The following SND1 variants were observed in gnomAD, a reference collection of about 807,000 sequenced individuals.
SND1 encodes the protein staphylococcal nuclease domain-containing protein 1.
In SND1, 38 loss-of-function variants were observed where a neutral mutation model predicts 121.7. The observed-to-expected ratio is 0.31, with a 90% CI of 0.24 to 0.41. The LOEUF (loss-of-function observed/expected upper bound fraction) is 0.41, where lower values mean the gene tolerates loss of function less well. SND1 is among the 10% of genes least tolerant of loss of function. The pLI, the probability that SND1 is intolerant of heterozygous loss-of-function variation, is 1.00. For synonymous variants in SND1, 401 were observed against 447.4 expected (o/e 0.90, Z 1.31); for missense variants, 868 against 1,184.6 (o/e 0.73, Z 3.92).
At chr7:127,932,357 G>A (rs1336854937) in intron 15 of SND1, among the ~76,000 whole-genome samples, 1 of 152,158 alleles carries the variant, frequency 6.6e-6, no homozygotes, top group Non-Finnish European at 1.5e-5. Context: ...TAGAGCCTGG[G>A]GATAAAACTG....
intron 15 of SND1, among the ~76,000 whole-genome samples, chr7:127,988,612 A>G (rs1802450571): frequency 6.6e-6 from 1 of 152,244 alleles, no homozygotes; most frequent in Admixed American, 6.5e-5. Flanking sequence ...CAGGGGAGCA[A>G]CTGCAATCTC....
chr7:127,882,378 G>C (rs1294716961), intron 12 of SND1, among the ~76,000 whole-genome samples: 1 of 144,050 alleles, frequency 6.9e-6, no homozygotes, highest in African/African-American at 2.6e-5. Flanking sequence ...CAGGAAGGGA[G>C]GGAGGAAGGG....
In SND1 at chr7:127,670,060, G is replaced by A. The variant is rs941520616; in HGVS notation, c.79-16553G>A. 2.7e-5 allele frequency among the ~76,000 whole-genome samples: 4 copies of A among 150,766 alleles called. No homozygotes were observed. In the South Asian group the frequency reaches 8.4e-4, roughly 32 times the overall value. Reference sequence around the variant, plus strand: ...GGCTGGAGTGCAGTGGCGTGATCTCGGCTTACTGCAACCTCTGCGTCCTGG... The same window carrying A: ...GGCTGGAGTGCAGTGGCGTGATCTCAGCTTACTGCAACCTCTGCGTCCTGG... On this transcript the variant is annotated intron_variant, in intron 1 of 23. Transcript: ENST00000354725.
At chr7:127,961,830 G>A (rs1189651886) in intron 15 of SND1, among the ~76,000 whole-genome samples, 1 of 152,146 alleles carries the variant, frequency 6.6e-6, no homozygotes, top group African/African-American at 2.4e-5. Flanking sequence ...GAAGAAAAAG[G>A]GTATATTTTA....
chr7:127,724,535 T>C (rs1452799159), intron 10 of SND1, among the ~76,000 whole-genome samples: 1 of 152,162 alleles, frequency 6.6e-6, no homozygotes, highest in East Asian at 1.9e-4. Context: ...TATGATGAAC[T>C]GCAAGTGATT....
At chr7:127,794,526 A>T (rs1019578) in intron 10 of SND1, among the ~76,000 whole-genome samples, 143,928 of 152,312 alleles carry the variant, frequency 0.94, 68,449 homozygotes, top group Non-Finnish European at 1. Flanking sequence ...AGGAAGACAT[A>T]CACAAAGAAG....
intron 22 of SND1, 102 bp downstream of exon 22, chr7:128,089,794 C>G: frequency 9.6e-7 from 1 of 1,038,002 alleles, no homozygotes; most frequent in South Asian, 1.5e-5. Flanking sequence ...CACCATCCTG[C>G]TGTTCCTGCT....
intron 11 of SND1, among the ~76,000 whole-genome samples, chr7:127,816,881 G>A (rs920027575): frequency 2.0e-5 from 3 of 151,884 alleles, no homozygotes; most frequent in African/African-American, 2.4e-5. Context: ...TAGGGGTCTC[G>A]AACTCCCAAT....
At chr7:128,084,597 G>C in intron 18 of SND1, 127 bp from the exon 19 acceptor site, 1 of 990,520 alleles carries the variant, frequency 1.0e-6, no homozygotes, top group South Asian at 2.0e-5. Context: ...GTTGGGGACA[G>C]AGCCAGTGCT....
At chr7:128,075,168 G>A (rs1793486572) in intron 17 of SND1, among the ~76,000 whole-genome samples, 1 of 151,838 alleles carries the variant, frequency 6.6e-6, no homozygotes, top group Non-Finnish European at 1.5e-5. Context: ...TAGCCCATCA[G>A]TCTCTGTGGG....
chr7:127,797,267 G>A (rs1248294602), intron 10 of SND1, among the ~76,000 whole-genome samples: 1 of 152,216 alleles, frequency 6.6e-6, no homozygotes, highest in East Asian at 1.9e-4. Context: ...CACAATCACT[G>A]TGTAGAGCCC....
chr7:128,041,205 A>C (rs1393370846), intron 16 of SND1, among the ~76,000 whole-genome samples: 2 of 152,158 alleles, frequency 1.3e-5, no homozygotes, highest in Non-Finnish European at 2.9e-5. Context: ...GAGGTCGAGG[A>C]TGCAGGATCG....
intron 1 of SND1, among the ~76,000 whole-genome samples, chr7:127,660,199 G>A (rs1450502845): frequency 3.3e-5 from 5 of 152,124 alleles, no homozygotes; most frequent in Non-Finnish European, 7.4e-5. Flanking sequence ...TAGTGGGAGT[G>A]TTGCTTGAGA....
chr7:127,887,789 T>C, intron 12 of SND1, 113 bp from the exon 13 acceptor site: 1 of 634,340 alleles, frequency 1.6e-6, no homozygotes, highest in Non-Finnish European at 2.8e-6. Flanking sequence ...CCTTGGCTTC[T>C]CTCTCCCTCT....
rs1216513925 is a variant in SND1 at position 128,092,108 on chromosome 7, C to G, written c.*50C>G. 1 of 1,582,066 alleles carries G rather than the reference C, an allele frequency of 6.3e-7. No homozygotes were observed. Among genetic ancestry groups the G allele is most frequent in the South Asian group, 1.1e-5 (1 of 90,350 alleles). On this transcript the variant is annotated 3_prime_UTR_variant, in exon 24 of 24. Coordinates refer to ENST00000354725, the MANE Select transcript of SND1 (RefSeq NM_014390.4). This position sits in a 1 kb window ranked among gnomAD's most constrained non-coding sequence, Gnocchi z 4.9. Reference sequence around the variant, plus strand: ...GCCCCGCTCACGCCAGTCCCTCTTCCTCTGCCGGGAGGGTGTTTTCAACTC... The same window carrying G: ...GCCCCGCTCACGCCAGTCCCTCTTCGTCTGCCGGGAGGGTGTTTTCAACTC...
chr7:127,955,007 A>G (rs1801560024), intron 15 of SND1, among the ~76,000 whole-genome samples: 1 of 152,132 alleles, frequency 6.6e-6, no homozygotes, highest in Non-Finnish European at 1.5e-5. Context: ...GCCAATAAAG[A>G]ATCTCCTCCC....
intron 13 of SND1, among the ~76,000 whole-genome samples, chr7:127,894,063 A>G (rs923403619): frequency 6.6e-6 from 1 of 152,136 alleles, no homozygotes; most frequent in African/African-American, 2.4e-5. Flanking sequence ...ACTTTAGTCA[A>G]AAAGCTATAA....
intron 15 of SND1, among the ~76,000 whole-genome samples, chr7:127,939,399 G>T (rs1213548744): frequency 6.6e-6 from 1 of 152,102 alleles, no homozygotes; most frequent in African/African-American, 2.4e-5. Context: ...AACATGATTT[G>T]TTCAGTACCC....
intron 13 of SND1, among the ~76,000 whole-genome samples, chr7:127,894,421 C>T (rs1012167273): frequency 4.0e-5 from 6 of 151,556 alleles, no homozygotes; most frequent in Non-Finnish European, 8.8e-5. Flanking sequence ...GTTGACTGGT[C>T]CTTCATATCT....
Sources: allele counts gnomAD v4.1 joint callset (sites outside exome capture counted in the v4.1 genomes callset), GRCh38; gene constraint gnomAD v4.1.1; non-coding constraint Gnocchi (gnomAD v3.1); transcripts MANE v1.5; gene names NCBI Gene and HGNC (gene_info 2026-07-23, HGNC 2026-07-21).